The following ATG16L1 variants were observed in gnomAD, a reference collection of about 807,000 sequenced individuals.
The protein encoded by ATG16L1 is autophagy related 16 like 1.
ATG16L1 carries 37 observed loss-of-function variants against 88.5 expected under a neutral mutation model. The ratio of observed to expected loss-of-function variants is 0.42; its 90% confidence interval spans 0.32 to 0.55. The LOEUF is 0.55. Among genes scored for constraint, ATG16L1 ranks in the 20% least tolerant of loss-of-function variants. ATG16L1 has a pLI of 0.13. For missense variants in ATG16L1, 554 were observed against 752.8 expected (o/e 0.74, Z 3.09); for synonymous variants, 301 against 281.0 (o/e 1.07, Z -0.71).
chr2:233,252,070 C>A (rs1353717838), intron 1 of ATG16L1, 128 bp downstream of exon 1: 5 of 698,282 alleles, frequency 7.2e-6, no homozygotes, highest in Non-Finnish European at 1.1e-5. Context: ...CCGGGTAACC[C>A]GCGCTTGGGA....
rs1308715927 is a variant in ATG16L1 at position 233,253,628 on chromosome 2, GAGCCAC to G, written c.115+1689_115+1694del. 9.2e-5 allele frequency among the ~76,000 whole-genome samples: 14 copies of G among 152,266 alleles called. No individual in the cohort carries two copies. In the East Asian group the frequency reaches 2.7e-3, roughly 29 times the overall value. On this transcript the variant is annotated intron_variant, in intron 1 of 17. Transcript: ENST00000392017. ...CCCAAAGTGCTAGGATTACAGGCAT[GAGCCAC>G]AGTGACCAGCCGGGACTGGAATTTG...
chr2:233,253,309 C>G (rs569287165), intron 1 of ATG16L1, among the ~76,000 whole-genome samples: 1 of 146,734 alleles, frequency 6.8e-6, no homozygotes, highest in East Asian at 2.0e-4. Flanking sequence ...TGAGGTTGCA[C>G]AGCAGGTTAA....
At chr2:233,275,969 A>G (rs1330661724) in intron 9 of ATG16L1, 1 of 519,060 alleles carries the variant, frequency 1.9e-6, no homozygotes, top group South Asian at 1.4e-5. Context: ...CATGGGTGTG[A>G]TGGTGCATGA....
chr2:233,286,759 G>C (rs1699116271), intron 12 of ATG16L1, among the ~76,000 whole-genome samples: 1 of 151,248 alleles, frequency 6.6e-6, no homozygotes, highest in African/African-American at 2.4e-5. Flanking sequence ...CCGAGTAGCT[G>C]GGACTACAGG....
intron 2 of ATG16L1, among the ~76,000 whole-genome samples, chr2:233,260,912 A>C (rs1697162576): frequency 6.6e-6 from 1 of 152,132 alleles, no homozygotes; most frequent in Non-Finnish European, 1.5e-5. Context: ...AACACTTTCC[A>C]TCGTCACTCT....
chr2:233,281,163 A>G lies in ATG16L1; in HGVS notation c.1119A>G (p.Glu373=). Residue 373 remains glutamate (E), a synonymous_variant, in exon 11 of 18, where the codon GAA becomes GAG. Coordinates refer to ENST00000392017, the MANE Select transcript of ATG16L1 (RefSeq NM_030803.7). ...SGSNAGITSI[E]FDSAGSYLLA... The stretch of plus-strand genomic sequence containing the variant: ...GTAATGCAGGAATTACAAGCATTGA[A>G]TTTGATAGTGCTGTAAGTATTGAAT... The G allele has an allele frequency of 1.9e-6, 3 of 1,601,564 alleles. No individual in the cohort carries two copies. The highest frequency in any genetic ancestry group is 2.6e-6 in the Non-Finnish European group (3 of 1,175,414).
At chr2:233,261,329 G>A (rs142797839) in intron 2 of ATG16L1, among the ~76,000 whole-genome samples, 1 of 152,290 alleles carries the variant, frequency 6.6e-6, no homozygotes, top group Non-Finnish European at 1.5e-5. Context: ...CATCTTACAT[G>A]CTTGAGTCCA....
Position 233,273,029 on chromosome 2 carries a change from G to A in ATG16L1, c.771G>A (p.Val257=), listed in dbSNP as rs758708333. 16 of 1,613,976 alleles carry A rather than the reference G, an allele frequency of 9.9e-6. No homozygotes were observed. The East Asian group carries it at 2.7e-4, about 27-fold the overall frequency. The change falls in exon 7 of 18, where the codon GTG becomes GTA. Residue 257 remains valine (V), a synonymous_variant. Transcript: ENST00000392017. ...ATCACACAGAAGAGACCTCTCCTGT[G>A]CGAGCCATCAGCAGAGCAGCCACGT... is the stretch of plus-strand genomic sequence containing the variant. The part of the protein sequence containing the change: ...TSDHTEETSP[V]RAISRAATKR...
chr2:233,293,171 C>A, intron 16 of ATG16L1, 85 bp from the exon 17 acceptor site: 2 of 1,199,948 alleles, frequency 1.7e-6, no homozygotes, highest in Non-Finnish European at 2.5e-6. Flanking sequence ...GAAGAACAAA[C>A]ATTCCTTCTT....
At chr2:233,273,830 T>C (rs1698152369) in intron 8 of ATG16L1, 53 bp downstream of exon 8, 1 of 1,574,024 alleles carries the variant, frequency 6.4e-7, no homozygotes, top group Non-Finnish European at 8.7e-7. Context: ...CCTAAGTATA[T>C]GTACATGACT....
rs1413702137 is a variant in ATG16L1, at chr2:233,290,363, C to T, written c.1430+10C>T. On this transcript the variant is annotated intron_variant, in intron 14 of 17. Transcript: ENST00000392017. ...GTTTCTGGGACATTCGGTATGATAC[C>T]CAAGCTCCTGACTGGAGGCACATAA... 1 of 1,603,928 alleles carries T rather than the reference C, an allele frequency of 6.2e-7. No homozygotes were observed.
intron 8 of ATG16L1, chr2:233,274,020 A>G (rs748578560): frequency 6.4e-7 from 1 of 1,550,686 alleles, no homozygotes; most frequent in South Asian, 1.2e-5. Flanking sequence ...TTGGGACATC[A>G]TTCTTCTTCT....
intron 6 of ATG16L1, among the ~76,000 whole-genome samples, chr2:233,271,225 A>G (rs1327955516): frequency 6.6e-6 from 1 of 152,224 alleles, no homozygotes; most frequent in Admixed American, 6.5e-5. Flanking sequence ...TCATACAGGA[A>G]GGGGCCGAGG....
chr2:233,272,027 A>G (rs1317152959), intron 6 of ATG16L1, among the ~76,000 whole-genome samples: 2 of 152,268 alleles, frequency 1.3e-5, no homozygotes, highest in Non-Finnish European at 2.9e-5. Flanking sequence ...TCTTAAGTAT[A>G]TATTTACCTA....
intron 10 of ATG16L1, among the ~76,000 whole-genome samples, chr2:233,279,832 T>C (rs2125266724): frequency 6.6e-6 from 1 of 152,306 alleles, no homozygotes; most frequent in South Asian, 2.1e-4. Context: ...ATCTCTCATA[T>C]TGAATAGCAT....
At position 233,251,781 on chromosome 2, in the gene ATG16L1, GCCCT is replaced by G; in HGVS notation, c.-45_-42del. 6.6e-7 allele frequency: 1 copy of G among 1,516,862 alleles called. No individual in the cohort carries two copies. Among genetic ancestry groups the G allele is most frequent in the Non-Finnish European group, 8.9e-7 (1 of 1,119,024 alleles). The allele number at this position is 1,516,862 out of a possible 1,614,324, so 94.0% of individuals were successfully genotyped here. ...TTCATGCTGCAGGCTGCGGCCGTCA[GCCCT>G]CGCTCGCATTGGTGGCGCTGAGGTG... On this transcript the variant is annotated 5_prime_UTR_variant, in exon 1 of 18. An upstream open reading frame in the 5' UTR loses its in-frame stop. Coordinates refer to ENST00000392017, the MANE Select transcript of ATG16L1 (RefSeq NM_030803.7).
rs181422581 is a variant in ATG16L1, at chr2:233,257,250, T to C, written c.209+1055T>C. Among the ~76,000 whole-genome samples the C allele has an allele frequency of 3.9e-3, 596 of 151,922 alleles. 17 individuals carry two copies. The highest frequency in any genetic ancestry group is 3.1e-3 in the East Asian group (16 of 5,132). On this transcript the variant is annotated intron_variant, in intron 2 of 17. Transcript: ENST00000392017. ...TTCACCGTGTTAGCCAGGATGGTCT[T>C]GATATCCTGACCTCGTGATCCGCCC...
chr2:233,274,205 T>C (rs766079120), intron 8 of ATG16L1: 48 of 691,644 alleles, frequency 6.9e-5, no homozygotes, highest in Non-Finnish European at 1.1e-4. Flanking sequence ...GCTGCCAGGT[T>C]GAACACTTTG....
chr2:233,258,789 AG>A, intron 2 of ATG16L1, among the ~76,000 whole-genome samples: 1 of 152,218 alleles, frequency 6.6e-6, no homozygotes, highest in South Asian at 2.1e-4. Flanking sequence ...CTCAACTTCC[AG>A]GGCTCAAGCA....
Sources: allele counts gnomAD v4.1 joint callset (sites outside exome capture counted in the v4.1 genomes callset), GRCh38; gene constraint gnomAD v4.1.1; transcripts MANE v1.5; gene names NCBI Gene and HGNC (gene_info 2026-07-23, HGNC 2026-07-21).